PALS1: variants seen among roughly 807,000 people sequenced by gnomAD.
PALS1 encodes protein PALS1.
PALS1 carries 31 observed loss-of-function variants against 78.9 expected under a neutral mutation model. That is an observed-to-expected ratio of 0.39 (90% CI 0.30 to 0.53). The LOEUF (loss-of-function observed/expected upper bound fraction) is 0.53, where lower values mean the gene tolerates loss of function less well. Among genes scored for constraint, PALS1 ranks in the 20% least tolerant of loss-of-function variants. The pLI is 0.67. For synonymous variants in PALS1, 276 were observed against 270.9 expected (o/e 1.02, Z -0.18); for missense variants, 704 against 826.5 (o/e 0.85, Z 1.82).
At chr14:67,264,851 CTCAAGTT>C (rs2084295145) in intron 1 of PALS1, among the ~76,000 whole-genome samples, 1 of 152,016 alleles carries the variant, frequency 6.6e-6, no homozygotes, top group Non-Finnish European at 1.5e-5. Flanking sequence ...GCTGTTAAGT[CTCAAGTT>C]TACATCTGAG....
intron 1 of PALS1, among the ~76,000 whole-genome samples, chr14:67,243,439 C>T (rs1215307830): frequency 2.0e-5 from 3 of 150,680 alleles, no homozygotes; most frequent in Non-Finnish European, 2.9e-5. Context: ...CCACCCGCCT[C>T]GGCCTCCTGA....
chr14:67,292,335 T>A (rs1309953167), intron 3 of PALS1, among the ~76,000 whole-genome samples, 176 bp from the exon 4 acceptor site: 1 of 152,234 alleles, frequency 6.6e-6, no homozygotes, highest in East Asian at 1.9e-4. Context: ...GTGTAATTTT[T>A]AAAAGAGTTT....
In PALS1 at chr14:67,324,861, T is replaced by C. The variant is rs115036461; in HGVS notation, c.1851+1049T>C. Among the ~76,000 whole-genome samples, 809 of 151,360 alleles carry C rather than the reference T, an allele frequency of 5.3e-3. 7 individuals are homozygous for C. Among genetic ancestry groups the C allele is most frequent in the African/African-American group, 0.019 (770 of 41,118 alleles). On this transcript the variant is annotated intron_variant, in intron 14 of 14. Coordinates refer to ENST00000261681, the MANE Select transcript of PALS1 (RefSeq NM_022474.4). ...GCCTCAGCCTCCCAAAGTTCTTGGATTGCAGGTGTAAGCTACCACGCCCAG... is the reference window on the plus strand; with the variant it reads ...GCCTCAGCCTCCCAAAGTTCTTGGACTGCAGGTGTAAGCTACCACGCCCAG...
chr14:67,320,911 G>T, intron 12 of PALS1, 146 bp from the exon 13 acceptor site: 1 of 672,302 alleles, frequency 1.5e-6, no homozygotes, highest in Non-Finnish European at 2.5e-6. Flanking sequence ...TAAAAACAAT[G>T]TTAAACATGT....
At position 67,323,697 on chromosome 14, in the gene PALS1, T is replaced by C. The variant is rs746560873; in HGVS notation, c.1741-5T>C. 2.8e-6 allele frequency: 4 copies of C among 1,422,104 alleles called. No homozygotes were observed. The African/African-American group carries it at 5.8e-5, about 21-fold the overall frequency. The allele number at this position is 1,422,104 out of a possible 1,614,324, so 88.1% of individuals were successfully genotyped here. A position where few individuals can be genotyped will look rare whatever the true frequency, so the allele number is the denominator to read the frequency against. Reference sequence around the variant, plus strand: ...TATTTTAAAAATCAAAATGTCTCTTTACAGTCATTGAAGACTCTCCGGAAT... The same window carrying C: ...TATTTTAAAAATCAAAATGTCTCTTCACAGTCATTGAAGACTCTCCGGAAT... On this transcript the variant is annotated splice_polypyrimidine_tract_variant and splice_region_variant and intron_variant, in intron 13 of 14. Coordinates refer to ENST00000261681, the MANE Select transcript of PALS1 (RefSeq NM_022474.4).
At chr14:67,245,093 G>T (rs1336300139) in intron 1 of PALS1, among the ~76,000 whole-genome samples, 1 of 152,194 alleles carries the variant, frequency 6.6e-6, no homozygotes, top group South Asian at 2.1e-4. Flanking sequence ...AAAGAAAGCA[G>T]CCCTGCCAGT....
chr14:67,272,218 G>C (rs2084419905), intron 2 of PALS1, among the ~76,000 whole-genome samples: 1 of 152,004 alleles, frequency 6.6e-6, no homozygotes, highest in Non-Finnish European at 1.5e-5. Flanking sequence ...CCTTTCATAG[G>C]ATGGACCCAA....
chr14:67,251,140 TC>T (rs1483398259), intron 1 of PALS1, among the ~76,000 whole-genome samples: 1 of 152,232 alleles, frequency 6.6e-6, no homozygotes, highest in Non-Finnish European at 1.5e-5. Context: ...TTCTGCTTTG[TC>T]TGTAATATAG....
intron 1 of PALS1, among the ~76,000 whole-genome samples, chr14:67,249,730 TA>T (rs1236198846): frequency 6.6e-6 from 1 of 152,228 alleles, no homozygotes; most frequent in Non-Finnish European, 1.5e-5. Flanking sequence ...GTGAAAACAT[TA>T]TATTTTGAGA....
intron 1 of PALS1, among the ~76,000 whole-genome samples, chr14:67,247,313 C>T (rs148976126): frequency 5.5e-4 from 84 of 152,130 alleles, no homozygotes; most frequent in African/African-American, 1.8e-3. Context: ...AATCAGATTC[C>T]AGTTGATCAC....
At chr14:67,313,548 ATAAAG>A (rs2140954241) in intron 9 of PALS1, among the ~76,000 whole-genome samples, 1 of 152,324 alleles carries the variant, frequency 6.6e-6, no homozygotes, top group Non-Finnish European at 1.5e-5. Flanking sequence ...TGGCAGTAGA[ATAAAG>A]AAAGGAGAGC....
rs764355731 is a variant in PALS1, at chr14:67,312,544, T to C, written c.1059T>C (p.His353=). Residue 353 remains histidine, a synonymous_variant, in exon 9 of 15, where the codon CAT becomes CAC. Transcript: ENST00000261681. ...TCTTTTAGATCCATGTAAAAGCTCA[T>C]TTTGACTATGACCCCTCAGATGACC... ...AKETVIHVKA[H]FDYDPSDDPY... The C allele has an allele frequency of 1.3e-6, 2 of 1,586,282 alleles. No individual in the cohort carries two copies. Among genetic ancestry groups the C allele is most frequent in the East Asian group, 4.5e-5 (2 of 44,214 alleles).
chr14:67,324,666 G>T (rs1205600190), intron 14 of PALS1, among the ~76,000 whole-genome samples: 1 of 151,860 alleles, frequency 6.6e-6, no homozygotes, highest in Non-Finnish European at 1.5e-5. Context: ...CTCACTGCAG[G>T]CGCAGACTCT....
chr14:67,319,610 TAAAAAA>T (rs11366985), intron 11 of PALS1, among the ~76,000 whole-genome samples: 1 of 128,608 alleles, frequency 7.8e-6, no homozygotes, highest in Non-Finnish European at 1.7e-5. Context: ...GCTGATGAGC[TAAAAAA>T]AAAAAAAAAA....
chr14:67,331,928 C>A (rs1045886900), intron 14 of PALS1, among the ~76,000 whole-genome samples: 2 of 152,012 alleles, frequency 1.3e-5, no homozygotes, highest in Non-Finnish European at 2.9e-5. Flanking sequence ...GTACAACATT[C>A]CAGAATGAGA....
intron 2 of PALS1, among the ~76,000 whole-genome samples, chr14:67,275,433 C>T (rs1481341644): frequency 1.3e-5 from 2 of 152,102 alleles, no homozygotes; most frequent in Admixed American, 6.5e-5. Flanking sequence ...TATTGATTTG[C>T]GTATGTTGAA....
intron 1 of PALS1, among the ~76,000 whole-genome samples, chr14:67,259,880 GAA>G (rs33951454): frequency 4.7e-3 from 531 of 111,942 alleles, no homozygotes; most frequent in African/African-American, 8.7e-3. Context: ...CTCCATCTAA[GAA>G]AAAAAAAAAA....
chr14:67,307,385 C>G (rs539737691), intron 8 of PALS1, among the ~76,000 whole-genome samples: 2 of 152,200 alleles, frequency 1.3e-5, no homozygotes, highest in Admixed American at 6.5e-5. Flanking sequence ...CATAATCTAA[C>G]AAGGAGTGTA....
intron 1 of PALS1, among the ~76,000 whole-genome samples, chr14:67,249,207 A>G (rs547009056): frequency 1.0e-4 from 15 of 150,134 alleles, no homozygotes; most frequent in African/African-American, 3.4e-4. Flanking sequence ...GGTGATTTGC[A>G]CGTCTCGGCC....
Sources: allele counts gnomAD v4.1 joint callset (sites outside exome capture counted in the v4.1 genomes callset), GRCh38; gene constraint gnomAD v4.1.1; transcripts MANE v1.5; gene names NCBI Gene and HGNC (gene_info 2026-07-23, HGNC 2026-07-21).